ZNF107: variants seen among roughly 807,000 people sequenced by gnomAD.
ZNF107 encodes the protein zinc finger protein 107.
A neutral mutation model predicts 12.3 loss-of-function variants in ZNF107; 19 were observed. That is an observed-to-expected ratio of 1.55 (90% CI 1.08 to 2.27). ZNF107 has a LOEUF of 2.27. ZNF107 is among the 30% of genes most tolerant of loss of function. The pLI is 0.00. For missense variants in ZNF107, 958 were observed against 979.9 expected (o/e 0.98, Z 0.30); for synonymous variants, 317 against 330.5 (o/e 0.96, Z 0.44).
chr7:64,683,963 G>A (rs965653379), intron 1 of ZNF107, among the ~76,000 whole-genome samples: 3 of 151,996 alleles, frequency 2.0e-5, no homozygotes, highest in Admixed American at 6.6e-5. Context: ...TACCTGTTTC[G>A]GCCTCCCTAC....
Position 64,691,947 on chromosome 7 carries a change from A to T in ZNF107, c.213A>T (p.Val71=). The T allele has an allele frequency of 5.3e-6, 8 of 1,520,224 alleles. No individual in the cohort carries two copies. The highest frequency in any genetic ancestry group is 7.0e-6 in the Non-Finnish European group (8 of 1,135,574). 94.2% of individuals were successfully genotyped at this position (1,520,224 alleles called of 1,614,324 possible). ...EPWNIKRHEM[V]AKPPVMSFHF... ...GGAATATAAAAAGACATGAGATGGT[A>T]GCCAAACCCCCAGGTAGGTGAGAGT... is the stretch of plus-strand genomic sequence containing the variant. Residue 71 remains valine (V), a synonymous_variant, in exon 3 of 4, where the codon GTA becomes GTT. Coordinates refer to ENST00000620827, the MANE Select transcript of ZNF107 (RefSeq NM_001282359.2).
intron 1 of ZNF107, among the ~76,000 whole-genome samples, chr7:64,691,017 C>T (rs1261763585): frequency 6.6e-6 from 1 of 152,018 alleles, no homozygotes; most frequent in African/African-American, 2.4e-5. Flanking sequence ...GGATTACAGG[C>T]GTGAGCCACC....
intron 1 of ZNF107, among the ~76,000 whole-genome samples, chr7:64,671,696 CA>C (rs1243145228): frequency 6.6e-6 from 1 of 151,586 alleles, no homozygotes; most frequent in African/African-American, 2.4e-5. Flanking sequence ...AAAATTGTGT[CA>C]GGGTGGTTTC....
intron 1 of ZNF107, chr7:64,686,693 C>T: frequency 3.1e-6 from 3 of 961,532 alleles, no homozygotes; most frequent in Non-Finnish European, 3.7e-6. Flanking sequence ...CCAAAAACCA[C>T]AAAAGAAGAA....
rs1790793404 is a variant in ZNF107, at chr7:64,708,913, C to T, written c.*257C>T. 5.3e-6 allele frequency: 3 copies of T among 568,338 alleles called. No homozygotes were observed. The highest frequency in any genetic ancestry group is 9.5e-6 in the Non-Finnish European group (3 of 315,866). The allele number at this position is 568,338 out of a possible 1,614,324, so 35.2% of individuals were successfully genotyped here. On this transcript the variant is annotated 3_prime_UTR_variant, in exon 4 of 4. Coordinates refer to ENST00000620827, the MANE Select transcript of ZNF107 (RefSeq NM_001282359.2). ...AAATGTGGCAAATCCTTTAACTGAT[C>T]CTCAACTTTTACTAAACATAAGGTA...
chr7:64,673,499 A>G (rs910798120), intron 1 of ZNF107, among the ~76,000 whole-genome samples: 11 of 152,198 alleles, frequency 7.2e-5, no homozygotes, highest in African/African-American at 2.7e-4. Context: ...TGTGAGAAGC[A>G]TAGTTTGCAA....
chr7:64,702,918 A>G (rs991626897), intron 3 of ZNF107, among the ~76,000 whole-genome samples: 4 of 152,168 alleles, frequency 2.6e-5, no homozygotes, highest in African/African-American at 9.7e-5. Context: ...ATAATTTTGA[A>G]TTAAGTCTTA....
In ZNF107 at chr7:64,711,136, A is replaced by G. The variant is rs955477054; in HGVS notation, c.*2480A>G. ...ATGCCACTGACTTTACCTATCCCAC[A>G]TTACTCAAGGGTTTAGGTAAAAGAG... On this transcript the variant is annotated 3_prime_UTR_variant, in exon 4 of 4. Transcript: ENST00000620827. The G allele has an allele frequency of 6.6e-6, 1 of 152,160 alleles. No homozygotes were observed. The highest frequency in any genetic ancestry group is 6.6e-5 in the Admixed American group (1 of 15,262). The allele number at this position is 152,160 out of a possible 1,614,324, so 9.4% of individuals were successfully genotyped here.
chr7:64,706,974 G>C lies in ZNF107; in HGVS notation c.877G>C (p.Val293Leu). The change falls in exon 4 of 4, where the codon GTC (valine) becomes CTC (leucine). Residue 293 changes from valine (V) to leucine (L), a missense_variant. Physicochemically the swap from Val to Leu is conservative, Grantham distance 32 (BLOSUM62 1). Coordinates refer to ENST00000620827, the MANE Select transcript of ZNF107 (RefSeq NM_001282359.2). ...TTACAAATATGAAGAATGTGGCAAA[G>C]TCTTTAGCCAGTCCTCACACCTTAC... ...KPYKYEECGKVFSQSSHLTTQ... is the reference protein window; with the variant it reads ...KPYKYEECGKLFSQSSHLTTQ... 2 of 1,613,570 alleles carry C rather than the reference G, an allele frequency of 1.2e-6. No homozygotes were observed. The highest frequency in any genetic ancestry group is 1.7e-6 in the Non-Finnish European group (2 of 1,179,774).
At chr7:64,706,152 T>A (rs1471679163) in intron 3 of ZNF107, among the ~76,000 whole-genome samples, 172 bp from the exon 4 acceptor site, 1 of 152,170 alleles carries the variant, frequency 6.6e-6, no homozygotes, top group Admixed American at 6.6e-5. Flanking sequence ...CACAAATGTA[T>A]TTTGGTGTTT....
intron 3 of ZNF107, among the ~76,000 whole-genome samples, chr7:64,701,175 A>C (rs978601514): frequency 3.9e-5 from 6 of 152,172 alleles, no homozygotes; most frequent in Admixed American, 3.9e-4. Flanking sequence ...TATTATGTCT[A>C]ATATAATTAT....
intron 1 of ZNF107, among the ~76,000 whole-genome samples, chr7:64,666,893 G>A (rs1195894530): frequency 7.0e-6 from 1 of 142,066 alleles, no homozygotes; most frequent in Non-Finnish European, 1.5e-5. Context: ...GTAGAGTTAC[G>A]TAGTTTCTTA....
At chr7:64,674,084 T>C (rs897660322) in intron 1 of ZNF107, among the ~76,000 whole-genome samples, 1 of 152,152 alleles carries the variant, frequency 6.6e-6, no homozygotes, top group Non-Finnish European at 1.5e-5. Flanking sequence ...GCCTTGGCTA[T>C]TTGAGCTCTT....
chr7:64,677,619 C>T (rs201188527), intron 1 of ZNF107, among the ~76,000 whole-genome samples: 5 of 150,820 alleles, frequency 3.3e-5, no homozygotes, highest in Admixed American at 1.3e-4. Context: ...TTTGGGAGGC[C>T]GAGGCGGGCG....
chr7:64,684,258 C>T (rs1278027525), intron 1 of ZNF107, among the ~76,000 whole-genome samples: 2 of 152,150 alleles, frequency 1.3e-5, no homozygotes, highest in East Asian at 3.9e-4. Context: ...GGGGCCCAAC[C>T]TCATCCCAGA....
At chr7:64,671,928 C>A (rs1015107861) in intron 1 of ZNF107, among the ~76,000 whole-genome samples, 3 of 151,742 alleles carry the variant, frequency 2.0e-5, no homozygotes, top group African/African-American at 7.3e-5. Context: ...ACTACAGGTG[C>A]CCGCCACCAA....
At chr7:64,690,916 T>A (rs538487562) in intron 1 of ZNF107, among the ~76,000 whole-genome samples, 2 of 152,284 alleles carry the variant, frequency 1.3e-5, no homozygotes, top group South Asian at 4.1e-4. Flanking sequence ...TAATTTTGTA[T>A]TTTTAGTAGA....
At chr7:64,675,648 G>A (rs1359740384) in intron 1 of ZNF107, among the ~76,000 whole-genome samples, 1 of 152,048 alleles carries the variant, frequency 6.6e-6, no homozygotes, top group East Asian at 1.9e-4. Flanking sequence ...TTAGAAGTTG[G>A]TTTCCTCTTG....
In ZNF107 at chr7:64,709,605, A is replaced by G. The variant is rs1184116269; in HGVS notation, c.*949A>G. 3 of 424,918 alleles carry G rather than the reference A, an allele frequency of 7.1e-6. No homozygotes were observed. Among genetic ancestry groups the G allele is most frequent in the Non-Finnish European group, 1.4e-5 (3 of 218,644 alleles). The allele number at this position is 424,918 out of a possible 1,614,324, so 26.3% of individuals were successfully genotyped here. A position where few individuals can be genotyped will look rare whatever the true frequency, so the allele number is the denominator to read the frequency against. ...TGTAGGTAAGAATCCATACTGAAGA[A>G]AACTCCTGGAAGTGTAAAAAATGTG... On this transcript the variant is annotated 3_prime_UTR_variant, in exon 4 of 4. Transcript: ENST00000620827.
Sources: allele counts gnomAD v4.1 joint callset (sites outside exome capture counted in the v4.1 genomes callset), GRCh38; gene constraint gnomAD v4.1.1; transcripts MANE v1.5; gene names NCBI Gene and HGNC (gene_info 2026-07-23, HGNC 2026-07-21).